Variants in CSNK1G1 observed in about 807,000 individuals in gnomAD.
The protein encoded by CSNK1G1 is casein kinase 1 gamma 1.
A neutral mutation model predicts 59.6 loss-of-function variants in CSNK1G1; 22 were observed. The ratio of observed to expected loss-of-function variants is 0.37; its 90% CI spans 0.26 to 0.53. The LOEUF is 0.53. Among genes scored for constraint, CSNK1G1 ranks in the 20% least tolerant of loss-of-function variants. The probability of loss-of-function intolerance (pLI) is 0.89; values close to 1 mark genes in which losing one functional copy is unlikely to be tolerated. For missense variants in CSNK1G1, 384 were observed against 519.5 expected (o/e 0.74, Z 2.54); for synonymous variants, 179 against 177.1 (o/e 1.01, Z -0.08).
At chr15:64,278,293 C>T (rs996652226) in intron 2 of CSNK1G1, among the ~76,000 whole-genome samples, 14 of 151,754 alleles carry the variant, frequency 9.2e-5, no homozygotes, top group South Asian at 2.1e-4. Context: ...GTAATCCACC[C>T]GCCTCGGCCT....
chr15:64,180,117 CTA>C, intron 11 of CSNK1G1: 1 of 513,602 alleles, frequency 1.9e-6, no homozygotes, highest in South Asian at 2.3e-5. Context: ...TTTCGGTTCA[CTA>C]TGTCTTTTTC....
chr15:64,280,173 C>T (rs1775076276), intron 2 of CSNK1G1, among the ~76,000 whole-genome samples: 1 of 152,066 alleles, frequency 6.6e-6, no homozygotes, highest in Non-Finnish European at 1.5e-5. Flanking sequence ...CACACACACA[C>T]ATAAAGGTTT....
intron 10 of CSNK1G1, among the ~76,000 whole-genome samples, chr15:64,196,412 G>T (rs2082039254): frequency 6.6e-6 from 1 of 151,680 alleles, no homozygotes; most frequent in Admixed American, 6.6e-5. Context: ...AAGGAAAATA[G>T]GATTCTTGTT....
intron 2 of CSNK1G1, among the ~76,000 whole-genome samples, chr15:64,299,960 C>T (rs1159338824): frequency 6.6e-6 from 1 of 152,072 alleles, no homozygotes; most frequent in Non-Finnish European, 1.5e-5. Context: ...TCTTAAAAGA[C>T]CAACAGCATC....
intron 8 of CSNK1G1, 62 bp from the exon 9 acceptor site, chr15:64,204,651 G>A: frequency 6.5e-7 from 1 of 1,532,272 alleles, no homozygotes; most frequent in Non-Finnish European, 8.9e-7. Flanking sequence ...GCAGTTGTGG[G>A]GAAGCATTGG....
At chr15:64,278,189 C>T (rs1345935675) in intron 2 of CSNK1G1, among the ~76,000 whole-genome samples, 1 of 150,512 alleles carries the variant, frequency 6.6e-6, no homozygotes, top group Non-Finnish European at 1.5e-5. Flanking sequence ...TGGGATTACA[C>T]GTGCCCACCA....
At chr15:64,329,294 T>C (rs1401740448) in intron 1 of CSNK1G1, among the ~76,000 whole-genome samples, 3 of 151,478 alleles carry the variant, frequency 2.0e-5, no homozygotes, top group African/African-American at 7.3e-5. Context: ...CCTCAGCAAA[T>C]GTAAAAGAAC....
intron 2 of CSNK1G1, among the ~76,000 whole-genome samples, chr15:64,299,373 A>G (rs949925276): frequency 6.6e-5 from 10 of 151,958 alleles, no homozygotes; most frequent in African/African-American, 2.4e-4. Context: ...CGGATCACGA[A>G]GTCAGAGGAT....
intron 4 of CSNK1G1, among the ~76,000 whole-genome samples, chr15:64,217,644 T>C (rs886435900): frequency 3.3e-5 from 5 of 151,946 alleles, no homozygotes. Flanking sequence ...ATGGTGAAAC[T>C]GTCTCTACTG....
Position 64,246,644 on chromosome 15 carries a change from G to C in CSNK1G1, c.292+4868C>G, listed in dbSNP as rs1015757309. ...TCTCTTTAAAAAAAAAAAAAAGGGGGGGGGGGAGGAATCTTGTCATTTTTT... is the reference window on the plus strand; with the variant it reads ...TCTCTTTAAAAAAAAAAAAAAGGGGCGGGGGGAGGAATCTTGTCATTTTTT... On this transcript the variant is annotated intron_variant, in intron 4 of 11. Transcript: ENST00000303052. Among the ~76,000 whole-genome samples the C allele has an allele frequency of 3.4e-5, 5 of 145,724 alleles. No individual in the cohort carries two copies. The East Asian group carries it at 1.0e-3, about 30-fold the overall frequency.
chr15:64,261,279 T>C (rs954542867), intron 2 of CSNK1G1, among the ~76,000 whole-genome samples: 1 of 152,138 alleles, frequency 6.6e-6, no homozygotes. Context: ...CTTCCTGAAA[T>C]GAAATGAGCA....
rs764630999 is a variant in CSNK1G1, at chr15:64,189,423, T to C, written c.1108-8969A>G. 42 of 1,290,160 alleles carry C rather than the reference T, an allele frequency of 3.3e-5. No individual in the cohort carries two copies. The Middle Eastern group carries it at 6.4e-4, about 20-fold the overall frequency. 79.9% of individuals were successfully genotyped at this position (1,290,160 alleles called of 1,614,324 possible). A position where few individuals can be genotyped will look rare whatever the true frequency, so the allele number is the denominator to read the frequency against. On this transcript the variant is annotated intron_variant, in intron 10 of 11. Coordinates refer to ENST00000303052, the MANE Select transcript of CSNK1G1 (RefSeq NM_022048.5). ...GAATCTGTTTAGGTGCCTCTTCCCC[T>C]GTGCCAGATGGCTGAGTTGTTAACA...
chr15:64,174,464 T>C (rs1306907612), intron 11 of CSNK1G1, among the ~76,000 whole-genome samples: 3 of 152,286 alleles, frequency 2.0e-5, no homozygotes, highest in East Asian at 1.9e-4. Flanking sequence ...TGGTGACTAC[T>C]AGCAACAGGA....
intron 1 of CSNK1G1, among the ~76,000 whole-genome samples, chr15:64,323,285 C>T (rs1211686454): frequency 1.3e-5 from 2 of 151,982 alleles, no homozygotes; most frequent in African/African-American, 4.8e-5. Flanking sequence ...TTAAAATCTG[C>T]TATGACATTG....
Position 64,321,571 on chromosome 15 carries a change from A to C in CSNK1G1, c.-224-20848T>G, listed in dbSNP as rs552342073. Among the ~76,000 whole-genome samples the C allele has an allele frequency of 5.3e-5, 8 of 152,308 alleles. No homozygotes were observed. In the South Asian group the frequency reaches 1.2e-3, roughly 24 times the overall value. The stretch of plus-strand genomic sequence containing the variant: ...CAGCCATCGCACCCAGCCTAATTAA[A>C]GCATTTCTATGACAGTTTTATAATA... On this transcript the variant is annotated intron_variant, in intron 1 of 11. Coordinates refer to ENST00000303052, the MANE Select transcript of CSNK1G1 (RefSeq NM_022048.5).
chr15:64,277,615 GGTATATTTAATATATTAATATTA>G (rs1272525680), intron 2 of CSNK1G1, among the ~76,000 whole-genome samples: 1 of 124,324 alleles, frequency 8.0e-6, no homozygotes, highest in Admixed American at 8.5e-5. Context: ...TATTAATATT[GGTATATTTAATATATTAATATTA>G]ATATATTTAA....
chr15:64,166,616 C>G lies in CSNK1G1; in HGVS notation c.*5315G>C, dbSNP rs2081606291. The stretch of plus-strand genomic sequence containing the variant: ...TTCCATCTGTAAATATATTTCTCCC[C>G]AAAGAAATGGCTCATCTTTCCTGAG... On this transcript the variant is annotated 3_prime_UTR_variant, in exon 12 of 12. Coordinates refer to ENST00000303052, the MANE Select transcript of CSNK1G1 (RefSeq NM_022048.5). The surrounding 1 kb of genome is among the most constrained non-coding windows in gnomAD (Gnocchi z 4.5). 6.5e-6 allele frequency: 1 copy of G among 152,704 alleles called. No homozygotes were observed. The highest frequency in any genetic ancestry group is 1.9e-4 in the East Asian group (1 of 5,200). The allele number at this position is 152,704 out of a possible 1,614,324, so 9.5% of individuals were successfully genotyped here.
chr15:64,199,746 G>A (rs938478991), intron 10 of CSNK1G1, among the ~76,000 whole-genome samples: 6 of 151,970 alleles, frequency 3.9e-5, no homozygotes, highest in African/African-American at 2.4e-5. Context: ...CCAGCTACTC[G>A]GGAGGCTGAG....
chr15:64,240,837 G>A (rs755614354), intron 4 of CSNK1G1, among the ~76,000 whole-genome samples: 4 of 151,916 alleles, frequency 2.6e-5, no homozygotes, highest in African/African-American at 7.3e-5. Context: ...ATAAAAATAC[G>A]TAAATCTATA....
Sources: gnomAD v4.1 joint callset for allele counts (sites outside exome capture counted in the v4.1 genomes callset) on GRCh38, gnomAD v4.1.1 for gene constraint, Gnocchi (gnomAD v3.1) non-coding constraint, MANE v1.5 for transcripts, NCBI Gene and HGNC (gene_info 2026-07-23, HGNC 2026-07-21) for gene names.